SAMSN1: variants seen among roughly 807,000 people sequenced by gnomAD.
SAMSN1 encodes SAM domain-containing protein SAMSN-1.
A neutral mutation model predicts 42.0 loss-of-function variants in SAMSN1; 31 were observed. The ratio of observed to expected loss-of-function variants is 0.74; its 90% CI spans 0.55 to 1.00. The LOEUF is 1.00. Ranked by LOEUF, SAMSN1 falls within the 50% of genes least tolerant of loss-of-function variation. SAMSN1 has a pLI of 0.00. For missense variants in SAMSN1, 464 were observed against 439.4 expected, an observed-to-expected ratio of 1.06 and a Z score of -0.50; for synonymous variants, 178 against 151.9, an observed-to-expected ratio of 1.17 and a Z score of -1.26.
chr21:14,621,986 C>A (rs917511254), intron 2 of SAMSN1, among the ~76,000 whole-genome samples: 3 of 152,246 alleles, frequency 2.0e-5, no homozygotes, highest in African/African-American at 7.2e-5. Flanking sequence ...TGTTCTGCAG[C>A]CTCTGCTGCT....
intron 2 of SAMSN1, among the ~76,000 whole-genome samples, chr21:14,567,988 A>C (rs746986721): frequency 3.9e-5 from 6 of 152,218 alleles, no homozygotes; most frequent in Non-Finnish European, 8.8e-5. Flanking sequence ...GTGTTCGTCT[A>C]TTCAGAAGTT....
intron 2 of SAMSN1, among the ~76,000 whole-genome samples, chr21:14,581,340 A>ATTTTTTTTTTT (rs1404934178): frequency 2.7e-4 from 6 of 22,524 alleles, no homozygotes; most frequent in Non-Finnish European, 6.7e-4. Flanking sequence ...GGGAAATAAT[A>ATTTTTTTTTTT]TTTCTTTTTT....
chr21:14,537,720 C>A (rs1979721052), intron 1 of SAMSN1, among the ~76,000 whole-genome samples: 1 of 151,932 alleles, frequency 6.6e-6, no homozygotes, highest in Non-Finnish European at 1.5e-5. Flanking sequence ...TTTTTTAAAG[C>A]TCTTTAGTGA....
intron 2 of SAMSN1, among the ~76,000 whole-genome samples, chr21:14,579,140 T>C (rs146469475): frequency 6.6e-5 from 10 of 152,350 alleles, no homozygotes; most frequent in African/African-American, 2.4e-4. Flanking sequence ...TCTTTCACTT[T>C]AGTGTCTCAA....
At chr21:14,627,838 A>C (rs1180028216) in intron 2 of SAMSN1, among the ~76,000 whole-genome samples, 2 of 152,218 alleles carry the variant, frequency 1.3e-5, no homozygotes, top group Admixed American at 1.3e-4. Context: ...TTATCTTCTT[A>C]AGGCTAAAGG....
At chr21:14,610,659 T>C (rs1244052314) in intron 4 of SAMSN1, among the ~76,000 whole-genome samples, 1 of 152,130 alleles carries the variant, frequency 6.6e-6, no homozygotes, top group Non-Finnish European at 1.5e-5. Context: ...TTAAAATTTC[T>C]CTCTTGTGTA....
At chr21:14,572,724 C>T (rs1981339667) in intron 2 of SAMSN1, among the ~76,000 whole-genome samples, 1 of 152,158 alleles carries the variant, frequency 6.6e-6, no homozygotes, top group Non-Finnish European at 1.5e-5. Context: ...TAAACCCTTA[C>T]TTTTAATTAG....
Position 14,521,144 on chromosome 21 carries a change from A to G in SAMSN1, c.129+6T>C, listed in dbSNP as rs374948241. On this transcript the variant is annotated splice_donor_region_variant and intron_variant, in intron 2 of 7. Coordinates refer to ENST00000400566, the MANE Select transcript of SAMSN1 (RefSeq NM_022136.5). The stretch of plus-strand genomic sequence containing the variant: ...AACATTCATAAAAATGGAATAAACT[A>G]CGAACCTCAGTTGAATCATCTGGTT... 1.3e-5 allele frequency: 20 copies of G among 1,581,000 alleles called. No individual in the cohort carries two copies. Among genetic ancestry groups the G allele is most frequent in the African/African-American group, 8.1e-5 (6 of 74,040 alleles).
chr21:14,504,348 C>CA (rs1987307909), intron 5 of SAMSN1, among the ~76,000 whole-genome samples: 1 of 151,888 alleles, frequency 6.6e-6, no homozygotes. Context: ...TAAGGAAATC[C>CA]AAAAAACGAT....
At chr21:14,528,678 G>A (rs773649364) in intron 1 of SAMSN1, among the ~76,000 whole-genome samples, 4 of 152,084 alleles carry the variant, frequency 2.6e-5, no homozygotes, top group Admixed American at 2.0e-4. Flanking sequence ...CTTTATTGAA[G>A]GTATTTTTTT....
At chr21:14,547,942 T>C (rs138851992), upstream of SAMSN1, among the ~76,000 whole-genome samples, 1 of 152,128 alleles carries the variant, frequency 6.6e-6, no homozygotes. Context: ...ATTGAGTTAG[T>C]GTTTTCAAAA....
rs758631136 is a variant in SAMSN1, at chr21:14,512,521, A to G, written c.332T>C (p.Ile111Thr). ...GGACACCTTCTCTGTGTGGGTCCCA[A>G]TCACAGGGTCACTGTTTCTATATGG... ...AHPYRNSDPV[I>T]GTHTEKVSLK... is the part of the protein sequence containing the mutation. The change falls in exon 4 of 8, where the codon ATT becomes ACT. Residue 111 changes from isoleucine (I) to threonine (T), a missense_variant. Transcript: ENST00000400566. The G allele has an allele frequency of 2.0e-5, 33 of 1,613,544 alleles. No homozygotes were observed. The Admixed American group carries it at 2.3e-4, about 11-fold the overall frequency.
At chr21:14,493,654 A>G (rs967077896) in intron 7 of SAMSN1, among the ~76,000 whole-genome samples, 2 of 152,024 alleles carry the variant, frequency 1.3e-5, no homozygotes, top group African/African-American at 4.8e-5. Context: ...ATTGACTTCC[A>G]AAGTAAATGA....
upstream of SAMSN1, among the ~76,000 whole-genome samples, chr21:14,547,128 T>C (rs1413574869): frequency 2.0e-5 from 3 of 152,244 alleles, no homozygotes; most frequent in Non-Finnish European, 2.9e-5. Flanking sequence ...TTAGACCCAT[T>C]CTAAATATAA....
Position 14,580,116 on chromosome 21 carries a change from A to T in SAMSN1, c.261+2020T>A, listed in dbSNP as rs114977216. Reference sequence around the variant, plus strand: ...AGCTTTCTAGATGATGAAGTATTTGATCTGAGTCTAAGGGATGATGGGATG... The same window carrying T: ...AGCTTTCTAGATGATGAAGTATTTGTTCTGAGTCTAAGGGATGATGGGATG... On this transcript the variant is annotated intron_variant, in intron 2 of 8. Coordinates refer to the SAMSN1 transcript ENST00000285670. Among the ~76,000 whole-genome samples the T allele has an allele frequency of 2.5e-3, 373 of 151,360 alleles. 2 individuals carry two copies. Among genetic ancestry groups the T allele is most frequent in the African/African-American group, 8.5e-3 (351 of 41,394 alleles).
chr21:14,645,750 A>G (rs966154631), intron 1 of SAMSN1, among the ~76,000 whole-genome samples: 13 of 152,234 alleles, frequency 8.5e-5, no homozygotes, highest in Admixed American at 3.3e-4. Context: ...GAAACTCAAA[A>G]GAAATTCAAA....
intron 1 of SAMSN1, among the ~76,000 whole-genome samples, chr21:14,651,894 A>G (rs985338205): frequency 6.6e-6 from 1 of 152,052 alleles, no homozygotes; most frequent in African/African-American, 2.4e-5. Flanking sequence ...AATATAAAAA[A>G]GAAATTAAAA....
intron 2 of SAMSN1, among the ~76,000 whole-genome samples, 186 bp downstream of exon 2, chr21:14,520,964 A>T (rs1194624842): frequency 6.6e-6 from 1 of 151,312 alleles, no homozygotes; most frequent in Non-Finnish European, 1.5e-5. Flanking sequence ...GTCGTGTGAC[A>T]AGAACCCATT....
intron 2 of SAMSN1, among the ~76,000 whole-genome samples, chr21:14,634,219 A>G (rs1036646725): frequency 1.3e-5 from 2 of 151,996 alleles, no homozygotes; most frequent in Non-Finnish European, 2.9e-5. Flanking sequence ...ACCCTAGAAG[A>G]AAACGTAGGC....
Sources: gnomAD v4.1 joint callset for allele counts (sites outside exome capture counted in the v4.1 genomes callset) on GRCh38, gnomAD v4.1.1 for gene constraint, MANE v1.5 for transcripts, NCBI Gene and HGNC (gene_info 2026-07-23, HGNC 2026-07-21) for gene names.